The following ERI1 variants were observed in gnomAD, a reference collection of about 807,000 sequenced individuals.
ERI1 encodes the protein exoribonuclease 1, also known as 3'-5' exoribonuclease 1.
In ERI1, 39 loss-of-function variants were observed where a neutral mutation model predicts 39.7. The observed-to-expected ratio is 0.98, with a 90% CI of 0.76 to 1.28. The LOEUF is 1.28. Among genes scored for constraint, ERI1 ranks in the 50% most tolerant of loss-of-function variants. The pLI is 0.00. For synonymous variants in ERI1, 204 were observed against 149.6 expected (o/e 1.36, Z -2.65); for missense variants, 581 against 416.9 (o/e 1.39, Z -3.43).
At chr8:9,050,971 A>T (rs561479530) in intron 3 of ERI1, among the ~76,000 whole-genome samples, 1 of 152,222 alleles carries the variant, frequency 6.6e-6, no homozygotes, top group South Asian at 2.1e-4. Context: ...GGGCTGGTTC[A>T]TCTGGTTCTG....
chr8:9,045,276 G>A (rs1272768724), intron 3 of ERI1, among the ~76,000 whole-genome samples: 1 of 148,772 alleles, frequency 6.7e-6, no homozygotes, highest in Non-Finnish European at 1.5e-5. Context: ...ATTACGTTCA[G>A]CCCTAAGCTG....
chr8:9,061,765 A>C (rs1453584510), intron 3 of ERI1, among the ~76,000 whole-genome samples: 2 of 151,836 alleles, frequency 1.3e-5, no homozygotes, highest in African/African-American at 4.8e-5. Context: ...GATGAGGAAG[A>C]CATTTGGGCT....
intron 3 of ERI1, among the ~76,000 whole-genome samples, chr8:9,064,365 C>T (rs1475154286): frequency 4.6e-5 from 7 of 152,150 alleles, no homozygotes; most frequent in African/African-American, 4.8e-5. Context: ...CAAAGGCAGG[C>T]GTCCTTGAGT....
chr8:9,008,570 A>G (rs1255044088), intron 2 of ERI1, among the ~76,000 whole-genome samples: 1 of 152,170 alleles, frequency 6.6e-6, no homozygotes, highest in Non-Finnish European at 1.5e-5. Flanking sequence ...TAACAGGAAT[A>G]TTTTTTGTTT....
chr8:9,039,172 C>G (rs954299697), intron 3 of ERI1, among the ~76,000 whole-genome samples: 20 of 152,290 alleles, frequency 1.3e-4, no homozygotes, highest in African/African-American at 4.6e-4. Context: ...CCTAGAAAAC[C>G]TTTATTTCAG....
At position 9,052,066 on chromosome 8, in the gene ERI1, T is replaced by C. The variant is rs369590133; in HGVS notation, n.299+31602T>C. 3.3e-5 allele frequency among the ~76,000 whole-genome samples: 5 copies of C among 152,352 alleles called. No individual in the cohort carries two copies. The East Asian group carries it at 9.6e-4, about 29-fold the overall frequency. On this transcript the variant is annotated intron_variant and non_coding_transcript_variant, in intron 3 of 3. Transcript: ENST00000518663. ...GAAAGAATTAATGTTTATAAAGTGC[T>C]TAAAATAGTGTTTAGTGAATAATAA...
chr8:9,009,151 G>A (rs9329175), intron 2 of ERI1: 175,777 of 449,476 alleles, frequency 0.39, 37,826 homozygotes, highest in African/African-American at 0.47. Flanking sequence ...ATGTTTATAC[G>A]TTTATTCAAC....
rs1164281609 is a variant in ERI1, at chr8:9,011,075, C to A, written c.288-467C>A. Among the ~76,000 whole-genome samples, 3 of 152,172 alleles carry A rather than the reference C, an allele frequency of 2.0e-5. No homozygotes were observed. The East Asian group carries it at 5.8e-4, about 29-fold the overall frequency. ...TGAATCTTTTGAGTTGACTAACCTACAAAAGCCAAAAGAAAGGAAAGAGAT... is the reference window on the plus strand; with the variant it reads ...TGAATCTTTTGAGTTGACTAACCTAAAAAAGCCAAAAGAAAGGAAAGAGAT... On this transcript the variant is annotated intron_variant, in intron 2 of 6. Coordinates refer to ENST00000250263, the MANE Select transcript of ERI1 (RefSeq NM_153332.4).
intron 6 of ERI1, among the ~76,000 whole-genome samples, chr8:9,021,967 G>C (rs1299669479): frequency 6.6e-6 from 1 of 151,680 alleles, no homozygotes; most frequent in African/African-American, 2.4e-5. Flanking sequence ...GCATTGTTGT[G>C]CATGTCCCCT....
At chr8:9,009,260 A>G in intron 2 of ERI1, 1 of 345,002 alleles carries the variant, frequency 2.9e-6, no homozygotes, top group Non-Finnish European at 5.7e-6. Context: ...TTTTGGGAAA[A>G]CATACAAAGA....
rs892727691 is a variant in ERI1 at position 9,004,374 on chromosome 8, A to G, written c.108+1203A>G. 24 of 880,872 alleles carry G rather than the reference A, an allele frequency of 2.7e-5. No homozygotes were observed. The African/African-American group carries it at 4.0e-4, about 15-fold the overall frequency. The allele number at this position is 880,872 out of a possible 1,614,324, so 54.6% of individuals were successfully genotyped here. Reference sequence around the variant, plus strand: ...GTTTGAATATGCTTCTTTATATTTGAAAGTCTTGACACTTTTACAGCTACT... The same window carrying G: ...GTTTGAATATGCTTCTTTATATTTGGAAGTCTTGACACTTTTACAGCTACT... On this transcript the variant is annotated intron_variant, in intron 1 of 6. Coordinates refer to ENST00000250263, the MANE Select transcript of ERI1 (RefSeq NM_153332.4).
At chr8:9,036,092 G>C (rs765441009), downstream of ERI1, among the ~76,000 whole-genome samples, 28 of 152,310 alleles carry the variant, frequency 1.8e-4, no homozygotes, top group Middle Eastern at 3.4e-3. Flanking sequence ...GTGATTTCTT[G>C]AGATGGAATC....
At chr8:9,084,441 T>C (rs1177279619) in intron 3 of ERI1, among the ~76,000 whole-genome samples, 1 of 152,200 alleles carries the variant, frequency 6.6e-6, no homozygotes, top group African/African-American at 2.4e-5. Context: ...AACCTGAACA[T>C]TGGTTGCCCC....
chr8:9,078,820 T>C (rs1339000816), intron 3 of ERI1, among the ~76,000 whole-genome samples: 1 of 152,234 alleles, frequency 6.6e-6, no homozygotes, highest in Admixed American at 6.5e-5. Flanking sequence ...TTATCTTTTT[T>C]CTCTTCTTTT....
At chr8:9,082,727 G>A (rs1441520927) in intron 3 of ERI1, among the ~76,000 whole-genome samples, 2 of 152,080 alleles carry the variant, frequency 1.3e-5, no homozygotes, top group East Asian at 1.9e-4. Context: ...CCAGAAGGTC[G>A]GACAGAAAGT....
intron 1 of ERI1, among the ~76,000 whole-genome samples, chr8:9,006,369 A>G (rs1054477155): frequency 1.3e-5 from 2 of 152,204 alleles, no homozygotes; most frequent in African/African-American, 4.8e-5. Context: ...CCTAAGTGTT[A>G]CTTGTGAATA....
intron 1 of ERI1, chr8:9,003,944 A>G: frequency 3.8e-6 from 2 of 528,260 alleles, no homozygotes; most frequent in Non-Finnish European, 6.7e-6. Context: ...GGCAGCTAGA[A>G]TGAGCTTTTC....
chr8:9,022,693 C>T (rs1818044836), intron 6 of ERI1, among the ~76,000 whole-genome samples: 1 of 152,196 alleles, frequency 6.6e-6, no homozygotes, highest in African/African-American at 2.4e-5. Context: ...AGCCACTGCA[C>T]CTGGCCTTTT....
intron 3 of ERI1, among the ~76,000 whole-genome samples, chr8:9,083,317 A>G (rs1261777174): frequency 6.6e-6 from 1 of 152,194 alleles, no homozygotes; most frequent in East Asian, 1.9e-4. Context: ...ACTTCCATCC[A>G]AAGATCTCTT....
Sources: gnomAD v4.1 joint callset for allele counts (sites outside exome capture counted in the v4.1 genomes callset) on GRCh38, gnomAD v4.1.1 for gene constraint, MANE v1.5 for transcripts, NCBI Gene and HGNC (gene_info 2026-07-23, HGNC 2026-07-21) for gene names.